RBFOX1: variants seen among roughly 807,000 people sequenced by gnomAD.
The protein encoded by RBFOX1 is RNA binding protein fox-1 homolog 1.
A neutral mutation model predicts 57.7 loss-of-function variants in RBFOX1; 8 were observed. The observed-to-expected ratio is 0.14, with a 90% CI of 0.08 to 0.25. RBFOX1 has a LOEUF of 0.25. Among genes scored for constraint, RBFOX1 ranks in the 10% least tolerant of loss-of-function variants. RBFOX1 has a pLI of 1.00. For synonymous variants in RBFOX1, 326 were observed against 222.4 expected, an observed-to-expected ratio of 1.47 and a Z score of -4.15; for missense variants, 611 against 548.5, an observed-to-expected ratio of 1.11 and a Z score of -1.14.
intron 2 of RBFOX1, among the ~76,000 whole-genome samples, chr16:6,317,584 A>C (rs527780748): frequency 1.3e-5 from 2 of 152,158 alleles, no homozygotes; most frequent in African/African-American, 2.4e-5. Context: ...GCTGGGGTAC[A>C]TTATAGAAAT....
intron 3 of RBFOX1, among the ~76,000 whole-genome samples, chr16:5,850,104 G>C (rs890508403): frequency 5.9e-5 from 9 of 152,138 alleles, no homozygotes; most frequent in African/African-American, 2.2e-4. Context: ...CTGGGAGTCT[G>C]GGTTCTCGGA....
intron 3 of RBFOX1, among the ~76,000 whole-genome samples, chr16:6,658,937 T>TG (rs2098681856): frequency 9.0e-6 from 1 of 111,246 alleles, no homozygotes; most frequent in African/African-American, 3.3e-5. Flanking sequence ...GGTTTTTTTG[T>TG]TTTTTTTGTT....
intron 4 of RBFOX1, among the ~76,000 whole-genome samples, chr16:6,010,505 A>G (rs1215049627): frequency 2.6e-5 from 4 of 152,082 alleles, no homozygotes; most frequent in Non-Finnish European, 5.9e-5. Context: ...ACTCCTGGCC[A>G]TTGGGCCATT....
chr16:6,928,444 G>A (rs771944829), intron 3 of RBFOX1, among the ~76,000 whole-genome samples: 1 of 152,182 alleles, frequency 6.6e-6, no homozygotes, highest in African/African-American at 2.4e-5. Context: ...GCAGCCAAGA[G>A]CTCAGGACAT....
intron 2 of RBFOX1, among the ~76,000 whole-genome samples, chr16:5,503,083 G>A (rs1259339645): frequency 1.3e-5 from 2 of 152,216 alleles, no homozygotes; most frequent in Admixed American, 1.3e-4. Context: ...GGGAAACAGG[G>A]CACAGGAGAG....
chr16:6,229,384 T>C (rs1404870171), intron 1 of RBFOX1, among the ~76,000 whole-genome samples: 2 of 152,132 alleles, frequency 1.3e-5, no homozygotes, highest in Non-Finnish European at 2.9e-5. Context: ...ACAAGGACTC[T>C]TGTGGATCTC....
At chr16:7,174,969 T>C (rs72765563) in intron 4 of RBFOX1, among the ~76,000 whole-genome samples, 40,733 of 152,132 alleles carry the variant, frequency 0.27, 6,667 homozygotes, top group East Asian at 0.54. Flanking sequence ...CTCATCATCA[T>C]GGCTTTAATT....
intron 3 of RBFOX1, among the ~76,000 whole-genome samples, chr16:6,914,352 A>C (rs961449080): frequency 6.6e-6 from 1 of 152,158 alleles, no homozygotes; most frequent in Non-Finnish European, 1.5e-5. Context: ...CTTAAATTAC[A>C]GGGTCGGCTG....
intron 3 of RBFOX1, among the ~76,000 whole-genome samples, chr16:5,767,690 C>T (rs930733343): frequency 1.3e-5 from 2 of 152,142 alleles, no homozygotes; most frequent in South Asian, 4.1e-4. Flanking sequence ...CAATGGACTC[C>T]TGAAAAGGCA....
intron 3 of RBFOX1, among the ~76,000 whole-genome samples, chr16:5,800,288 C>G (rs1424835658): frequency 6.6e-6 from 1 of 152,082 alleles, no homozygotes; most frequent in African/African-American, 2.4e-5. Context: ...GGAGACTGGA[C>G]CCCATAGTCC....
At chr16:6,945,953 G>T (rs2153513465) in intron 3 of RBFOX1, among the ~76,000 whole-genome samples, 1 of 152,276 alleles carries the variant, frequency 6.6e-6, no homozygotes. Context: ...CCATTTCAAG[G>T]CATTCTGCCT....
intron 2 of RBFOX1, among the ~76,000 whole-genome samples, chr16:6,407,519 G>A (rs2093324554): frequency 6.7e-6 from 1 of 148,884 alleles, no homozygotes; most frequent in South Asian, 2.2e-4. Flanking sequence ...GAGAAAGAGA[G>A]GAGAAAGAGG....
intron 3 of RBFOX1, among the ~76,000 whole-genome samples, chr16:5,664,152 C>T (rs564056921): frequency 6.3e-4 from 96 of 152,338 alleles, no homozygotes; most frequent in African/African-American, 2.1e-3. Context: ...GTTGTTTCTT[C>T]GATTGGCTAA....
intron 3 of RBFOX1, among the ~76,000 whole-genome samples, chr16:6,849,468 G>T (rs1177910403): frequency 6.6e-6 from 1 of 152,160 alleles, no homozygotes; most frequent in Non-Finnish European, 1.5e-5. Flanking sequence ...AGGGGTTCGA[G>T]ACCAGCCTCG....
intron 15 of RBFOX1, chr16:7,709,628 A>C: frequency 1.3e-6 from 2 of 1,531,316 alleles, no homozygotes; most frequent in Non-Finnish European, 1.7e-6. Flanking sequence ...ATAGTCGCCC[A>C]GGAAAGAAAA....
At chr16:7,436,533 C>T (rs1486830446) in intron 4 of RBFOX1, among the ~76,000 whole-genome samples, 2 of 152,194 alleles carry the variant, frequency 1.3e-5, no homozygotes, top group Non-Finnish European at 2.9e-5. Context: ...CATCCAACAA[C>T]TCTAGGGGGC....
At chr16:7,263,044 G>T (rs79586687) in intron 4 of RBFOX1, among the ~76,000 whole-genome samples, 1,743 of 152,292 alleles carry the variant, frequency 0.011, 24 homozygotes, top group African/African-American at 0.039. Context: ...TGGAATGACT[G>T]TTCTCTCCTC....
At position 7,516,723 on chromosome 16, in the gene RBFOX1, A is replaced by G. The variant is rs534126777; in HGVS notation, c.28-1424A>G. On this transcript the variant is annotated intron_variant, in intron 4 of 15. Coordinates refer to ENST00000550418, the MANE Select transcript of RBFOX1 (RefSeq NM_018723.4). ...CTGATGGGAATGATTTACTTGTAAA[A>G]TGTTTAAACTTATCCTAAGCTTAGT... Among the ~76,000 whole-genome samples the G allele has an allele frequency of 2.0e-5, 3 of 152,326 alleles. No homozygotes were observed. The South Asian group carries it at 6.2e-4, about 32-fold the overall frequency.
chr16:5,763,485 G>C (rs1357898094), intron 3 of RBFOX1, among the ~76,000 whole-genome samples: 1 of 152,234 alleles, frequency 6.6e-6, no homozygotes, highest in Non-Finnish European at 1.5e-5. Context: ...CCTGGCCCAG[G>C]AGGCTCTTGG....
Sources: gnomAD v4.1 joint callset for allele counts (sites outside exome capture counted in the v4.1 genomes callset) on GRCh38, gnomAD v4.1.1 for gene constraint, MANE v1.5 for transcripts, NCBI Gene and HGNC (gene_info 2026-07-23, HGNC 2026-07-21) for gene names.